Variants in CFAP91 observed in about 807,000 individuals in gnomAD.
CFAP91 encodes the protein cilia- and flagella-associated protein 91.
A neutral mutation model predicts 95.9 loss-of-function variants in CFAP91; 85 were observed. The observed-to-expected ratio is 0.89, with a 90% confidence interval of 0.74 to 1.06. The LOEUF (loss-of-function observed/expected upper bound fraction) is 1.06, where lower values mean the gene tolerates loss of function less well. Among genes scored for constraint, CFAP91 ranks in the 50% least tolerant of loss-of-function variants. The pLI is 0.00. For missense variants in CFAP91, 962 were observed against 943.4 expected, an observed-to-expected ratio of 1.02 and a Z score of -0.26; for synonymous variants, 335 against 327.5, an observed-to-expected ratio of 1.02 and a Z score of -0.25.
chr3:119,754,377 A>G (rs1356362956), intron 17 of CFAP91, among the ~76,000 whole-genome samples: 1 of 152,214 alleles, frequency 6.6e-6, no homozygotes, highest in Non-Finnish European at 1.5e-5. Context: ...AGATGAATTG[A>G]AGAAGGAAAT....
chr3:119,744,052 G>A lies in CFAP91; in HGVS notation c.1758G>A (p.Glu586=), dbSNP rs370570459. 29 of 1,614,214 alleles carry A rather than the reference G, an allele frequency of 1.8e-5. No individual in the cohort carries two copies. Among genetic ancestry groups the A allele is most frequent in the East Asian group, 1.1e-4 (5 of 44,888 alleles). ...LADMFDFLSK[E]LVRLQEERRI... The stretch of plus-strand genomic sequence containing the variant: ...ACATGTTTGACTTCCTGTCCAAAGA[G>A]CTGGTGAGACTGCAGGAGGAGAGGA... Residue 586 remains glutamate, a synonymous_variant, in exon 14 of 18, where the codon GAG becomes GAA. Coordinates refer to ENST00000273390, the MANE Select transcript of CFAP91 (RefSeq NM_033364.4).
chr3:119,750,847 A>C (rs187797636), intron 16 of CFAP91, 90 bp from the exon 17 acceptor site: 1 of 1,508,702 alleles, frequency 6.6e-7, no homozygotes, highest in African/African-American at 1.4e-5. Context: ...TTAATTTGCA[A>C]AATTATTTCT....
chr3:119,708,448 C>A, intron 3 of CFAP91, 143 bp from the exon 4 acceptor site: 1 of 596,216 alleles, frequency 1.7e-6, no homozygotes, highest in Non-Finnish European at 3.0e-6. Context: ...AGTTGTATGG[C>A]AGTCAAATGC....
chr3:119,747,260 G>T lies in CFAP91; in HGVS notation c.2048G>T (p.Ser683Ile). 1.2e-6 allele frequency: 2 copies of T among 1,613,018 alleles called. No homozygotes were observed. Among genetic ancestry groups the T allele is most frequent in the Non-Finnish European group, 1.7e-6 (2 of 1,179,504 alleles). The change falls in exon 15 of 18, where the codon AGC becomes ATC. Residue 683 changes from serine to isoleucine, a missense_variant. Transcript: ENST00000273390. ...AATGACATTGCTTATGAAATGGAAA[G>T]CCGGTGTGTATCAAGAGAACAGATT... ...KINDIAYEME[S>I]RRTYLQSEEI...
Position 119,733,407 on chromosome 3 carries a change from A to C in CFAP91, c.1245A>C (p.Gln415His). 6.2e-7 allele frequency: 1 copy of C among 1,614,082 alleles called. No individual in the cohort carries two copies. The highest frequency in any genetic ancestry group is 8.5e-7 in the Non-Finnish European group (1 of 1,179,976). The part of the protein sequence containing the change: ...LESCLPDFVT[Q>H]PQIRAPKPKV... ...CATGTCTCCCAGATTTTGTGACACAACCCCAAATCAGAGCTCCAAAACCTA... is the reference window on the plus strand; with the variant it reads ...CATGTCTCCCAGATTTTGTGACACACCCCCAAATCAGAGCTCCAAAACCTA... The change falls in exon 10 of 18, where the codon CAA (glutamine) becomes CAC (histidine). Residue 415 changes from glutamine (Q) to histidine (H), a missense_variant. Coordinates refer to ENST00000273390, the MANE Select transcript of CFAP91 (RefSeq NM_033364.4).
chr3:119,726,030 G>A (rs1017308725), intron 6 of CFAP91, 141 bp from the exon 7 acceptor site: 9 of 602,964 alleles, frequency 1.5e-5, no homozygotes, highest in Non-Finnish European at 2.4e-5. Flanking sequence ...CACATCTAGA[G>A]GCTGTTCCCT....
rs1256522294 is a variant in CFAP91 at position 119,726,210 on chromosome 3, T to C, written c.722T>C (p.Ile241Thr). The change falls in exon 7 of 18, where the codon ATA becomes ACA. Residue 241 changes from isoleucine (I) to threonine (T), a missense_variant. Ile to Thr is a moderately conservative substitution (Grantham distance 89). Transcript: ENST00000273390. Reference protein sequence around the residue: ...LPAGQAEVEMIERAREKRAWE... With the variant: ...LPAGQAEVEMTERAREKRAWE... The stretch of plus-strand genomic sequence containing the variant: ...GCAGGACAAGCTGAGGTGGAGATGA[T>C]AGAAAGAGCCCGCGAGAAGCGTGCT... 1.9e-6 allele frequency: 3 copies of C among 1,612,944 alleles called. No individual in the cohort carries two copies. Among genetic ancestry groups the C allele is most frequent in the East Asian group, 2.2e-5 (1 of 44,814 alleles).
intron 17 of CFAP91, 22 bp downstream of exon 17, chr3:119,751,120 GA>G (rs1468668314): frequency 6.4e-7 from 1 of 1,573,068 alleles, no homozygotes; most frequent in South Asian, 1.2e-5. Flanking sequence ...TTTCCACCAG[GA>G]AAAAAAGCAG....
chr3:119,747,584 T>TC (rs1287304514), intron 15 of CFAP91: 1 of 577,302 alleles, frequency 1.7e-6, no homozygotes, highest in Admixed American at 3.3e-5. Flanking sequence ...AAGCTGTGTT[T>TC]CCAACATTCC....
At chr3:119,715,303 C>G in intron 5 of CFAP91, 1 of 584,852 alleles carries the variant, frequency 1.7e-6, no homozygotes. Context: ...CAGTGACACA[C>G]ATATAAATAG....
chr3:119,723,299 G>A (rs1033157906), intron 6 of CFAP91, among the ~76,000 whole-genome samples: 3 of 152,142 alleles, frequency 2.0e-5, no homozygotes, highest in African/African-American at 4.8e-5. Context: ...GGTAAATTAA[G>A]CAATATCCAG....
chr3:119,732,752 A>G (rs1013053102), intron 9 of CFAP91, among the ~76,000 whole-genome samples: 3 of 152,212 alleles, frequency 2.0e-5, no homozygotes, highest in Admixed American at 6.5e-5. Context: ...TGAAATTGAG[A>G]AAAGTTTTAT....
At chr3:119,722,667 T>C (rs1559753258) in intron 6 of CFAP91, among the ~76,000 whole-genome samples, 1 of 152,020 alleles carries the variant, frequency 6.6e-6, no homozygotes, top group Non-Finnish European at 1.5e-5. Flanking sequence ...TAAAAAAATA[T>C]ATTTTTTTGT....
chr3:119,730,511 G>A, intron 8 of CFAP91, 134 bp downstream of exon 8: 1 of 838,472 alleles, frequency 1.2e-6, no homozygotes, highest in Non-Finnish European at 1.9e-6. Flanking sequence ...TAAGAGATGA[G>A]TTATTTCTTA....
At position 119,725,076 on chromosome 3, in the gene CFAP91, T is replaced by C. The variant is rs200344544; in HGVS notation, c.683-1095T>C. On this transcript the variant is annotated intron_variant, in intron 6 of 17. Coordinates refer to ENST00000273390, the MANE Select transcript of CFAP91 (RefSeq NM_033364.4). ...TATTACTTATTTCCTTAGATTTTTC[T>C]GTATAATTATATTTTTAAATGAAAA... Among the ~76,000 whole-genome samples, 12 of 146,496 alleles carry C rather than the reference T, an allele frequency of 8.2e-5. No individual in the cohort carries two copies. The East Asian group carries it at 2.5e-3, about 30-fold the overall frequency.
At position 119,765,848 on chromosome 3, in the gene CFAP91, T is replaced by C. The variant is rs1169831016; in HGVS notation, c.*798T>C. ...TGAATTTATAGAGGAAAATGTATGC[T>C]ACTCTGAAAACAAAGCTTATGTTAG... On this transcript the variant is annotated 3_prime_UTR_variant, in exon 18 of 18. Coordinates refer to ENST00000273390, the MANE Select transcript of CFAP91 (RefSeq NM_033364.4). 1 of 152,234 alleles carries C rather than the reference T, an allele frequency of 6.6e-6. No homozygotes were observed. The highest frequency in any genetic ancestry group is 1.5e-5 in the Non-Finnish European group (1 of 68,038). The allele number at this position is 152,234 out of a possible 1,614,324, so 9.4% of individuals were successfully genotyped here. A position where few individuals can be genotyped will look rare whatever the true frequency, so the allele number is the denominator to read the frequency against.
chr3:119,755,416 T>C (rs1449617087), intron 17 of CFAP91, among the ~76,000 whole-genome samples: 1 of 152,170 alleles, frequency 6.6e-6, no homozygotes, highest in South Asian at 2.1e-4. Context: ...AGAACCCTCA[T>C]GATGGGGTTA....
chr3:119,715,287 C>T (rs1045332990), intron 5 of CFAP91: 6 of 540,076 alleles, frequency 1.1e-5, no homozygotes, highest in African/African-American at 5.7e-5. Flanking sequence ...GTTCTACAAC[C>T]TTGCCCAGTG....
At chr3:119,725,772 A>T (rs2053771270) in intron 6 of CFAP91, among the ~76,000 whole-genome samples, 1 of 152,142 alleles carries the variant, frequency 6.6e-6, no homozygotes, top group African/African-American at 2.4e-5. Context: ...AAAGAAAAAA[A>T]AAAAGTATAT....
Sources: allele counts gnomAD v4.1 joint callset (sites outside exome capture counted in the v4.1 genomes callset), GRCh38; gene constraint gnomAD v4.1.1; transcripts MANE v1.5; gene names NCBI Gene and HGNC (gene_info 2026-07-23, HGNC 2026-07-21).